The following ATP9B variants were observed in gnomAD, a reference collection of about 807,000 sequenced individuals.
ATP9B encodes the protein ATPase phospholipid transporting 9B, also known as probable phospholipid-transporting ATPase IIB.
Under a neutral mutation model 146.1 loss-of-function variants are expected in ATP9B, and 110 were observed. The ratio of observed to expected loss-of-function variants is 0.75; its 90% CI spans 0.65 to 0.88. ATP9B has a LOEUF of 0.88. Ranked by LOEUF, ATP9B falls within the 40% of genes least tolerant of loss-of-function variation. ATP9B has a pLI of 0.00. For synonymous variants in ATP9B, 604 were observed against 569.7 expected (o/e 1.06, Z -0.86); for missense variants, 1,499 against 1,496.4 (o/e 1.00, Z -0.03).
chr18:79,069,680 G>T, intron 1 of ATP9B, 151 bp downstream of exon 1: 1 of 502,374 alleles, frequency 2.0e-6, no homozygotes, highest in Non-Finnish European at 3.1e-6. Context: ...TTCTGAGCGC[G>T]CCGCAGCTGT....
rs553484998 is a variant in ATP9B, at chr18:79,203,358, G to A, written c.955-3579G>A. On this transcript the variant is annotated intron_variant, in intron 9 of 29. Coordinates refer to ENST00000426216, the MANE Select transcript of ATP9B (RefSeq NM_198531.5). Reference sequence around the variant, plus strand: ...TAGAGGAGCAGGCACCCGATACTTCGTAGAGGTAGGAGGCTTAGAGTAACA... The same window carrying A: ...TAGAGGAGCAGGCACCCGATACTTCATAGAGGTAGGAGGCTTAGAGTAACA... Among the ~76,000 whole-genome samples, 8 of 141,508 alleles carry A rather than the reference G, an allele frequency of 5.7e-5. No individual in the cohort carries two copies. In the East Asian group the frequency reaches 1.3e-3, roughly 23 times the overall value. The allele number at this position is 141,508 out of a possible 152,430, so 92.8% of individuals were successfully genotyped here. A position where few individuals can be genotyped will look rare whatever the true frequency, so the allele number is the denominator to read the frequency against.
At chr18:79,133,668 G>A (rs1282751960) in intron 5 of ATP9B, among the ~76,000 whole-genome samples, 1 of 152,206 alleles carries the variant, frequency 6.6e-6, no homozygotes, top group African/African-American at 2.4e-5. Flanking sequence ...CACCCTTAGA[G>A]GATCTGTGTG....
At position 79,239,879 on chromosome 18, in the gene ATP9B, G is replaced by A. The variant is rs2095872912; in HGVS notation, c.1108-13502G>A. Among the ~76,000 whole-genome samples the A allele has an allele frequency of 6.6e-6, 1 of 152,190 alleles. No homozygotes were observed. Among genetic ancestry groups the A allele is most frequent in the South Asian group, 2.1e-4 (1 of 4,838 alleles). ...GTGGCTGGGAGAGCATGGTTCCTGAGGGCTAAGCGTTCCCAAAGGATGAGC... is the reference window on the plus strand; with the variant it reads ...GTGGCTGGGAGAGCATGGTTCCTGAAGGCTAAGCGTTCCCAAAGGATGAGC... On this transcript the variant is annotated intron_variant, in intron 11 of 29. Coordinates refer to ENST00000426216, the MANE Select transcript of ATP9B (RefSeq NM_198531.5). The surrounding 1 kb of genome is among the most constrained non-coding windows in gnomAD (Gnocchi z 5.1).
Position 79,377,419 on chromosome 18 carries a change from C to T in ATP9B, c.*36C>T. On this transcript the variant is annotated 3_prime_UTR_variant, in exon 30 of 30. Coordinates refer to ENST00000426216, the MANE Select transcript of ATP9B (RefSeq NM_198531.5). ...ACCCCCAGCGGGCTGGCCCCAGCAC[C>T]TTCTGCCCTTCCCAGCACCTTGTGC... The T allele has an allele frequency of 6.3e-7, 1 of 1,599,052 alleles. No homozygotes were observed. The highest frequency in any genetic ancestry group is 8.5e-7 in the Non-Finnish European group (1 of 1,178,236).
chr18:79,244,848 A>C (rs2144792413), intron 11 of ATP9B, among the ~76,000 whole-genome samples: 1 of 152,354 alleles, frequency 6.6e-6, no homozygotes. Context: ...AATCATTTTA[A>C]AGAAAGCCAT....
chr18:79,125,300 C>G (rs493249), intron 4 of ATP9B, among the ~76,000 whole-genome samples: 9,233 of 152,134 alleles, frequency 0.061, 355 homozygotes, highest in Non-Finnish European at 0.092. Context: ...GAGTGAGAGA[C>G]ACAGGCTGTC....
At chr18:79,181,086 G>T (rs1051255595) in intron 8 of ATP9B, among the ~76,000 whole-genome samples, 4 of 152,010 alleles carry the variant, frequency 2.6e-5, no homozygotes, top group Non-Finnish European at 2.9e-5. Flanking sequence ...GGGGGATTAA[G>T]GGTGTGAGCC....
In ATP9B at chr18:79,108,402, A is replaced by T. The variant is rs2075795674; in HGVS notation, c.294-1953A>T. Among the ~76,000 whole-genome samples, 4 of 152,310 alleles carry T rather than the reference A, an allele frequency of 2.6e-5. No homozygotes were observed. In the South Asian group the frequency reaches 6.2e-4, roughly 24 times the overall value. On this transcript the variant is annotated intron_variant, in intron 2 of 29. Coordinates refer to ENST00000426216, the MANE Select transcript of ATP9B (RefSeq NM_198531.5). ...CTTTCCTACCCTACCAAAAATATTA[A>T]TGGTGAACATACTTGTTTTGACAAT...
chr18:79,088,145 G>A (rs575520901), intron 1 of ATP9B, among the ~76,000 whole-genome samples: 1 of 152,306 alleles, frequency 6.6e-6, no homozygotes, highest in African/African-American at 2.4e-5. Context: ...CTCCATTTCT[G>A]GAGTTGAGGT....
At chr18:79,365,786 G>A (rs1295299921) in intron 26 of ATP9B, among the ~76,000 whole-genome samples, 1 of 151,202 alleles carries the variant, frequency 6.6e-6, no homozygotes, top group Non-Finnish European at 1.5e-5. Flanking sequence ...TGCGTGGATG[G>A]AGGACAACTC....
At chr18:79,297,019 G>C (rs151096952) in intron 13 of ATP9B, among the ~76,000 whole-genome samples, 4,041 of 149,424 alleles carry the variant, frequency 0.027, 200 homozygotes, top group African/African-American at 0.094. Context: ...AGAGAAGACA[G>C]AGACGACCCA....
At chr18:79,177,557 C>A (rs1488077608) in intron 8 of ATP9B, among the ~76,000 whole-genome samples, 1 of 152,012 alleles carries the variant, frequency 6.6e-6, no homozygotes, top group Non-Finnish European at 1.5e-5. Context: ...ATTTTTATTT[C>A]TTATTTGGCT....
chr18:79,200,789 G>GGGGACTGTCGGGGTCAAGATCGGAAGAGC (rs1244770040), intron 9 of ATP9B, among the ~76,000 whole-genome samples: 1 of 79,122 alleles, frequency 1.3e-5, no homozygotes, highest in African/African-American at 5.1e-5. Flanking sequence ...AAGTAGTGGT[G>GGGGACTGTCGGGGTCAAGATCGGAAGAGC]GAATTGTTTT....
chr18:79,373,923 G>T lies in ATP9B; in HGVS notation c.3096G>T (p.Leu1032=). The change falls in exon 28 of 30, where the codon CTG becomes CTT. Residue 1032 remains leucine (L), a synonymous_variant. Coordinates refer to ENST00000426216, the MANE Select transcript of ATP9B (RefSeq NM_198531.5). ...GCGGCATCCTCATGTATGGGGCCCT[G>T]GTGCTCTTCGAGTCTGAGTTCGTCC... The part of the protein sequence containing the change: ...YQGGILMYGA[L]VLFESEFVHV... 2 of 1,613,186 alleles carry T rather than the reference G, an allele frequency of 1.2e-6. No homozygotes were observed. The highest frequency in any genetic ancestry group is 1.7e-6 in the Non-Finnish European group (2 of 1,180,014).
intron 13 of ATP9B, among the ~76,000 whole-genome samples, chr18:79,288,389 A>G (rs1439636115): frequency 2.6e-5 from 4 of 151,814 alleles, no homozygotes; most frequent in African/African-American, 7.3e-5. Context: ...GTCTCTTTTG[A>G]TCTTCGTTGG....
intron 11 of ATP9B, among the ~76,000 whole-genome samples, chr18:79,216,862 G>T (rs2095631547): frequency 6.6e-6 from 1 of 152,234 alleles, no homozygotes; most frequent in Non-Finnish European, 1.5e-5. Context: ...TCAACCTGAT[G>T]TAAAAGTGTT....
rs542991677 is a variant in ATP9B, at chr18:79,330,828, A to G, written c.2028+724A>G. ...TTTGTTTATAATAGAAATAGAAGGC[A>G]TTATCAATCATTCACTATTCTGAAA... is the stretch of plus-strand genomic sequence containing the variant. On this transcript the variant is annotated intron_variant, in intron 17 of 29. Transcript: ENST00000426216. Among the ~76,000 whole-genome samples the G allele has an allele frequency of 2.6e-5, 4 of 152,376 alleles. No homozygotes were observed. The East Asian group carries it at 7.7e-4, about 29-fold the overall frequency.
At chr18:79,162,837 A>G (rs879220859) in intron 7 of ATP9B, among the ~76,000 whole-genome samples, 2 of 152,188 alleles carry the variant, frequency 1.3e-5, no homozygotes, top group Admixed American at 6.5e-5. Flanking sequence ...GAAGTCTACT[A>G]ATATTACAGG....
intron 13 of ATP9B, among the ~76,000 whole-genome samples, chr18:79,285,703 C>T (rs938224315): frequency 2.6e-5 from 4 of 152,126 alleles, no homozygotes; most frequent in African/African-American, 7.2e-5. Flanking sequence ...ACGCCTATGC[C>T]CTGAATGGTA....
Sources: gnomAD v4.1 joint callset for allele counts (sites outside exome capture counted in the v4.1 genomes callset) on GRCh38, gnomAD v4.1.1 for gene constraint, Gnocchi (gnomAD v3.1) non-coding constraint, MANE v1.5 for transcripts, NCBI Gene and HGNC (gene_info 2026-07-23, HGNC 2026-07-21) for gene names.